The following ZNF93 variants were observed in gnomAD, a reference collection of about 807,000 sequenced individuals.
ZNF93 encodes zinc finger protein 93, also known as zinc finger protein 505.
Under a neutral mutation model 45.0 loss-of-function variants are expected in ZNF93, and 29 were observed. The observed-to-expected ratio is 0.64, with a 90% CI of 0.48 to 0.88. ZNF93 has a LOEUF of 0.88. ZNF93 is among the 40% of genes least tolerant of loss of function. ZNF93 has a pLI of 0.00. For missense variants in ZNF93, 578 were observed against 724.0 expected (o/e 0.80, Z 2.31); for synonymous variants, 223 against 244.6 (o/e 0.91, Z 0.82).
At chr19:19,912,797 C>A (rs968443079) in intron 1 of ZNF93, among the ~76,000 whole-genome samples, 1 of 151,976 alleles carries the variant, frequency 6.6e-6, no homozygotes, top group African/African-American at 2.4e-5. Context: ...GTACCAGCTC[C>A]CCGGGTGTTA....
intron 3 of ZNF93, among the ~76,000 whole-genome samples, chr19:19,926,901 G>C (rs1304163879): frequency 6.7e-6 from 1 of 149,146 alleles, no homozygotes; most frequent in East Asian, 1.9e-4. Context: ...TCTTGTCTAA[G>C]TGAGAGTCAT....
At chr19:19,927,833 C>T (rs1004063918) in intron 3 of ZNF93, among the ~76,000 whole-genome samples, 104 of 152,334 alleles carry the variant, frequency 6.8e-4, no homozygotes, top group African/African-American at 2.4e-3. Context: ...TCTGCAACCT[C>T]TGCCTTCTGG....
At chr19:19,905,771 T>C (rs78184197) in intron 1 of ZNF93, among the ~76,000 whole-genome samples, 3 of 152,000 alleles carry the variant, frequency 2.0e-5, no homozygotes, top group Non-Finnish European at 4.4e-5. Context: ...TTTTTTTTTT[T>C]CCGTGGAGAC....
chr19:19,909,702 A>C (rs2063302491), intron 1 of ZNF93, among the ~76,000 whole-genome samples: 1 of 152,164 alleles, frequency 6.6e-6, no homozygotes, highest in Non-Finnish European at 1.5e-5. Flanking sequence ...AAATAGAGAA[A>C]ATTTTTCTTT....
chr19:19,908,848 A>C (rs2063300105), intron 1 of ZNF93: 1 of 111,840 alleles, frequency 8.9e-6, no homozygotes, highest in African/African-American at 7.5e-5. Context: ...CGTCTCAAAA[A>C]AAAAAAAAAA....
Position 19,901,082 on chromosome 19 carries a change from C to T in ZNF93, c.-7C>T. ...GCTAAGACACCAGGACCCCTGGAAGCCTAGAAATGGTGAGAGTGCCGGTCC... is the reference window on the plus strand; with the variant it reads ...GCTAAGACACCAGGACCCCTGGAAGTCTAGAAATGGTGAGAGTGCCGGTCC... On this transcript the variant is annotated 5_prime_UTR_variant, in exon 1 of 4. Transcript: ENST00000343769. 1 of 1,613,460 alleles carries T rather than the reference C, an allele frequency of 6.2e-7. No homozygotes were observed. The highest frequency in any genetic ancestry group is 8.5e-7 in the Non-Finnish European group (1 of 1,179,624).
chr19:19,911,591 C>T (rs886693954), intron 1 of ZNF93, among the ~76,000 whole-genome samples: 1 of 152,012 alleles, frequency 6.6e-6, no homozygotes, highest in Non-Finnish European at 1.5e-5. Context: ...AACTTTTAGT[C>T]TAGACTAGCT....
At chr19:19,926,047 A>G (rs1401775900) in intron 3 of ZNF93, 1 of 151,980 alleles carries the variant, frequency 6.6e-6, no homozygotes, top group Non-Finnish European at 1.5e-5. Flanking sequence ...CATGAGTACA[A>G]ACTAAAAGCT....
At chr19:19,920,106 T>C (rs1411538274) in intron 3 of ZNF93, among the ~76,000 whole-genome samples, 1 of 152,202 alleles carries the variant, frequency 6.6e-6, no homozygotes, top group Non-Finnish European at 1.5e-5. Flanking sequence ...ATAGCTCTTA[T>C]TATTTTGAGA....
At chr19:19,906,582 T>A (rs2063293449) in intron 1 of ZNF93, among the ~76,000 whole-genome samples, 1 of 152,180 alleles carries the variant, frequency 6.6e-6, no homozygotes. Context: ...TTTTCGTAGC[T>A]TCATCATGAA....
Position 19,901,101 on chromosome 19 carries a change from C to T in ZNF93, c.3+10C>T. 1 of 1,613,506 alleles carries T rather than the reference C, an allele frequency of 6.2e-7. No individual in the cohort carries two copies. The highest frequency in any genetic ancestry group is 2.2e-5 in the East Asian group (1 of 44,852). The stretch of plus-strand genomic sequence containing the variant: ...TGGAAGCCTAGAAATGGTGAGAGTG[C>T]CGGTCCGACATCCCAAGCGACGGGG... On this transcript the variant is annotated intron_variant, in intron 1 of 3. Transcript: ENST00000343769.
Position 19,901,170 on chromosome 19 carries a change from A to G in ZNF93, c.3+79A>G, listed in dbSNP as rs1046670395. 1.8e-5 allele frequency: 28 copies of G among 1,599,952 alleles called. No individual in the cohort carries two copies. The African/African-American group carries it at 2.7e-4, about 15-fold the overall frequency. The stretch of plus-strand genomic sequence containing the variant: ...GTGGAAAGTGACGGTGGCGGGACTC[A>G]GGTATCCCCTTAGTCAGCTCCACAA... On this transcript the variant is annotated intron_variant, in intron 1 of 3. Coordinates refer to ENST00000343769, the MANE Select transcript of ZNF93 (RefSeq NM_031218.4).
At position 19,910,224 on chromosome 19, in the gene ZNF93, A is replaced by G. The variant is rs202130569; in HGVS notation, c.4-5056A>G. On this transcript the variant is annotated intron_variant, in intron 1 of 3. Transcript: ENST00000343769. ...GAATCCAGGTCTTGAGATTTGGGGG[A>G]AAAAAAAACTTACCTAAGAAATGCA... 3.3e-3 allele frequency among the ~76,000 whole-genome samples: 386 copies of G among 117,908 alleles called. 4 individuals are homozygous for G. The highest frequency in any genetic ancestry group is 0.017 in the African/African-American group (354 of 21,066). The allele number at this position is 117,908 out of a possible 152,430, so 77.4% of individuals were successfully genotyped here. A position where few individuals can be genotyped will look rare whatever the true frequency, so the allele number is the denominator to read the frequency against.
chr19:19,927,702 T>C (rs1204341898), intron 3 of ZNF93, among the ~76,000 whole-genome samples: 1 of 152,232 alleles, frequency 6.6e-6, no homozygotes, highest in Admixed American at 6.5e-5. Flanking sequence ...TTTTTTAATA[T>C]GTTTATAAGT....
chr19:19,925,282 G>A (rs2063353185), intron 3 of ZNF93, among the ~76,000 whole-genome samples: 1 of 152,152 alleles, frequency 6.6e-6, no homozygotes, highest in African/African-American at 2.4e-5. Flanking sequence ...TTCTGTTAGA[G>A]GCACTTATTT....
chr19:19,927,080 C>G (rs542675183), intron 3 of ZNF93: 45 of 397,998 alleles, frequency 1.1e-4, no homozygotes, highest in African/African-American at 8.9e-4. Flanking sequence ...TAAAATTTAC[C>G]ATCTTAAATT....
chr19:19,917,777 A>G (rs1174456655), intron 3 of ZNF93, among the ~76,000 whole-genome samples: 4 of 152,092 alleles, frequency 2.6e-5, no homozygotes, highest in African/African-American at 7.2e-5. Flanking sequence ...TGGCCTTTCA[A>G]TGTGCTGGGA....
At chr19:19,919,826 T>A (rs1229069124) in intron 3 of ZNF93, among the ~76,000 whole-genome samples, 3 of 152,232 alleles carry the variant, frequency 2.0e-5, no homozygotes, top group Admixed American at 2.0e-4. Context: ...TTTGCTGAAG[T>A]TGCTTATCAG....
chr19:19,912,790 C>T (rs565040425), intron 1 of ZNF93, among the ~76,000 whole-genome samples: 1 of 152,194 alleles, frequency 6.6e-6, no homozygotes, highest in South Asian at 2.1e-4. Flanking sequence ...ACACTTAGTA[C>T]CAGCTCCCCG....
Sources: allele counts gnomAD v4.1 joint callset (sites outside exome capture counted in the v4.1 genomes callset), GRCh38; gene constraint gnomAD v4.1.1; transcripts MANE v1.5; gene names NCBI Gene and HGNC (gene_info 2026-07-23, HGNC 2026-07-21).